Variants in MMP1 observed in about 807,000 individuals in gnomAD.
MMP1 encodes matrix metallopeptidase 1, also known as interstitial collagenase.
A neutral mutation model predicts 49.6 loss-of-function variants in MMP1; 51 were observed. That is an observed-to-expected ratio of 1.03 (90% CI 0.82 to 1.30). The LOEUF (loss-of-function observed/expected upper bound fraction) is 1.30. MMP1 is among the 50% of genes most tolerant of loss of function. MMP1 has a pLI of 0.00. For synonymous variants in MMP1, 230 were observed against 196.8 expected (o/e 1.17, Z -1.41); for missense variants, 623 against 568.7 (o/e 1.10, Z -0.97).
rs1264699039 is a variant in MMP1, at chr11:102,794,934, A to G, written c.899+240T>C. Among the ~76,000 whole-genome samples the G allele has an allele frequency of 6.6e-6, 1 of 152,244 alleles. No individual in the cohort carries two copies. The highest frequency in any genetic ancestry group is 2.4e-5 in the African/African-American group (1 of 41,470). On this transcript the variant is annotated intron_variant, in intron 6 of 9. Coordinates refer to ENST00000315274, the MANE Select transcript of MMP1 (RefSeq NM_002421.4). The surrounding 1 kb of genome is among the most constrained non-coding windows in gnomAD (Gnocchi z 4.3). The stretch of plus-strand genomic sequence containing the variant: ...TTACTTTGCTAATCTGTAAAAAAAG[A>G]TCATACATACTGATTTTCAAAATCA...
chr11:102,791,629 T>C, intron 7 of MMP1, 134 bp from the exon 8 acceptor site: 1 of 942,206 alleles, frequency 1.1e-6, no homozygotes, highest in Non-Finnish European at 1.6e-6. Context: ...TAGGGAGATT[T>C]TTGAAAATAC....
At chr11:102,796,199 T>C (rs1047905856) in intron 4 of MMP1, among the ~76,000 whole-genome samples, 1 of 152,242 alleles carries the variant, frequency 6.6e-6, no homozygotes, top group Non-Finnish European at 1.5e-5. Flanking sequence ...TCTGCCTGCC[T>C]TGGCCTCCCA....
rs1202404331 is a variant in MMP1 at position 102,795,520 on chromosome 11, G to C, written c.713C>G (p.Pro238Arg). The C allele has an allele frequency of 6.2e-7, 1 of 1,613,974 alleles. No individual in the cohort carries two copies. Among genetic ancestry groups the C allele is most frequent in the Non-Finnish European group, 8.5e-7 (1 of 1,180,022 alleles). Residue 238 changes from proline to arginine, a missense_variant, in exon 5 of 10, where the codon CCT (proline) becomes CGT (arginine). By Grantham distance (103) the Pro-to-Arg change is moderately radical. Coordinates refer to ENST00000315274, the MANE Select transcript of MMP1 (RefSeq NM_002421.4). The stretch of plus-strand genomic sequence containing the variant: ...AACATCACCACTGAAGGTGTAGCTA[G>C]GGTACATCAAAGCCCCGATATCAGT... ...HSTDIGALMY[P>R]SYTFSGDVQL...
Position 102,790,320 on chromosome 11 carries a change from G to A in MMP1, c.*92C>T. 5.7e-6 allele frequency: 4 copies of A among 698,018 alleles called. No homozygotes were observed. Among genetic ancestry groups the A allele is most frequent in the Non-Finnish European group, 2.5e-6 (1 of 406,014 alleles). The allele number at this position is 698,018 out of a possible 1,614,324, so 43.2% of individuals were successfully genotyped here. On this transcript the variant is annotated 3_prime_UTR_variant, in exon 10 of 10. Transcript: ENST00000315274. ...TATATTCTGTGTATCAGTGACTCTA[G>A]AGGTTAAAAATGACTGAGAAAATAG... is the stretch of plus-strand genomic sequence containing the variant.
rs1225755827 is a variant in MMP1 at position 102,798,052 on chromosome 11, C to G, written c.41G>C (p.Gly14Ala). 6.2e-7 allele frequency: 1 copy of G among 1,613,164 alleles called. No individual in the cohort carries two copies. Among genetic ancestry groups the G allele is most frequent in the East Asian group, 2.2e-5 (1 of 44,898 alleles). ...CGCTGGGAAGCTGTGAGACACCACA[C>G]CCCAGAACAGCAGCAGCAGCAGTGG... is the stretch of plus-strand genomic sequence containing the variant. ...FPPLLLLLFW[G>A]VVSHSFPATL... Residue 14 changes from glycine (G) to alanine (A), a missense_variant, in exon 1 of 10, where the codon GGT becomes GCT. By Grantham distance (60) the Gly-to-Ala change is moderately conservative (BLOSUM62 0). Transcript: ENST00000315274.
intron 4 of MMP1, among the ~76,000 whole-genome samples, chr11:102,796,042 C>A (rs568780506): frequency 6.6e-6 from 1 of 152,308 alleles, no homozygotes; most frequent in East Asian, 1.9e-4. Context: ...CCTCTGCCTC[C>A]TGGGTTCAGG....
At chr11:102,793,897 G>A (rs1858104171) in intron 6 of MMP1, among the ~76,000 whole-genome samples, 1 of 152,202 alleles carries the variant, frequency 6.6e-6, no homozygotes, top group Non-Finnish European at 1.5e-5. Flanking sequence ...TCGGAAACCT[G>A]ACTTCTAGGT....
rs17883075 is a variant in MMP1 at position 102,791,110 on chromosome 11, T to C, written c.1196+223A>G. The stretch of plus-strand genomic sequence containing the variant: ...CCGTTAAGATGAATGTCCTCAATTC[T>C]ACATCCTTTTAAAATTCATCCCCCT... On this transcript the variant is annotated intron_variant, in intron 8 of 9. Coordinates refer to ENST00000315274, the MANE Select transcript of MMP1 (RefSeq NM_002421.4). Among the ~76,000 whole-genome samples, 179 of 152,356 alleles carry C rather than the reference T, an allele frequency of 1.2e-3. 4 individuals are homozygous for C. The East Asian group carries it at 0.032, about 27-fold the overall frequency.
chr11:102,797,328 C>G lies in MMP1; in HGVS notation c.278G>C (p.Gly93Ala). 1 of 1,614,202 alleles carries G rather than the reference C, an allele frequency of 6.2e-7. No homozygotes were observed. Among genetic ancestry groups the G allele is most frequent in the South Asian group, 1.1e-5 (1 of 91,086 alleles). The change falls in exon 2 of 10, where the codon GGA (glycine) becomes GCA (alanine). Residue 93 changes from glycine to alanine, a missense_variant. Physicochemically the swap from Gly to Ala is moderately conservative, Grantham distance 60. Coordinates refer to ENST00000315274, the MANE Select transcript of MMP1 (RefSeq NM_002421.4). ...GACAAACTGAGCCACATCAGGCACTCCACATCTGGGCTGCTTCATCACCTT... is the reference window on the plus strand; with the variant it reads ...GACAAACTGAGCCACATCAGGCACTGCACATCTGGGCTGCTTCATCACCTT... ...TLKVMKQPRCGVPDVAQFVLT... is the reference protein window; with the variant it reads ...TLKVMKQPRCAVPDVAQFVLT...
intron 8 of MMP1, 24 bp from the exon 9 acceptor site, chr11:102,790,830 G>A: frequency 2.9e-6 from 4 of 1,359,258 alleles, no homozygotes; most frequent in Non-Finnish European, 4.2e-6. Context: ...AGTTAAGAGT[G>A]TCAGACCTTT....
At chr11:102,792,289 A>C (rs773107730) in intron 7 of MMP1, among the ~76,000 whole-genome samples, 3 of 152,188 alleles carry the variant, frequency 2.0e-5, no homozygotes, top group African/African-American at 4.8e-5. Context: ...TAGTGTCTCG[A>C]GTTTTACTTT....
Position 102,796,711 on chromosome 11 carries a change from C to T in MMP1, c.578G>A (p.Gly193Glu). The part of the protein sequence containing the change: ...HAFQPGPGIG[G>E]DAHFDEDERW... ...TTCATCTTCATCAAAATGAGCATCC[C>T]CTCCAATACCTGGGCCTGGTTGAAA... The change falls in exon 4 of 10, where the codon GGG becomes GAG. Residue 193 changes from glycine to glutamate, a missense_variant. Gly to Glu is a moderately conservative substitution (Grantham distance 98). Transcript: ENST00000315274. 6.2e-7 allele frequency: 1 copy of T among 1,613,858 alleles called. No homozygotes were observed.
Position 102,790,268 on chromosome 11 carries a change from AT to A in MMP1, c.*143del, listed in dbSNP as rs1219245160. On this transcript the variant is annotated 3_prime_UTR_variant, in exon 10 of 10. Coordinates refer to ENST00000315274, the MANE Select transcript of MMP1 (RefSeq NM_002421.4). The stretch of plus-strand genomic sequence containing the variant: ...GGGCTACATTCTAAATAGTAAAAAA[AT>A]ATGCAAACTGAGGTATAAATAAGAT... 12 of 529,266 alleles carry A rather than the reference AT, an allele frequency of 2.3e-5. No homozygotes were observed. The allele number at this position is 529,266 out of a possible 1,614,324, so 32.8% of individuals were successfully genotyped here. A position where few individuals can be genotyped will look rare whatever the true frequency, so the allele number is the denominator to read the frequency against.
rs879005168 is a variant in MMP1, at chr11:102,798,093, A to G, written c.-1T>C. 1 of 1,606,752 alleles carries G rather than the reference A, an allele frequency of 6.2e-7. No individual in the cohort carries two copies. The highest frequency in any genetic ancestry group is 8.5e-7 in the Non-Finnish European group (1 of 1,179,304). ...GCAGCAGTGGAGGAAAGCTGTGCAT[A>G]CTGGCCTTTGTCTTCTTTCTCAGTG... On this transcript the variant is annotated 5_prime_UTR_variant, in exon 1 of 10. Transcript: ENST00000315274.
rs1246361248 is a variant in MMP1, at chr11:102,790,008, A to G, written c.*404T>C. ...TTATCCCTTGCCTATCCAGGGTGAC[A>G]CCAGTGACTGCACATGTGTTCTTGA... On this transcript the variant is annotated 3_prime_UTR_variant, in exon 10 of 10. Transcript: ENST00000315274. 1 of 154,660 alleles carries G rather than the reference A, an allele frequency of 6.5e-6. No individual in the cohort carries two copies. The highest frequency in any genetic ancestry group is 2.4e-5 in the African/African-American group (1 of 41,498). The allele number at this position is 154,660 out of a possible 1,614,324, so 9.6% of individuals were successfully genotyped here.
Position 102,790,298 on chromosome 11 carries a change from A to G in MMP1, c.*114T>C, listed in dbSNP as rs148343310. 3.9e-5 allele frequency: 23 copies of G among 595,908 alleles called. No individual in the cohort carries two copies. The Admixed American group carries it at 7.0e-4, about 18-fold the overall frequency. 36.9% of individuals were successfully genotyped at this position (595,908 alleles called of 1,614,324 possible). A position where few individuals can be genotyped will look rare whatever the true frequency, so the allele number is the denominator to read the frequency against. Reference sequence around the variant, plus strand: ...CAAACTGAGGTATAAATAAGATTATATTCTGTGTATCAGTGACTCTAGAGG... The same window carrying G: ...CAAACTGAGGTATAAATAAGATTATGTTCTGTGTATCAGTGACTCTAGAGG... On this transcript the variant is annotated 3_prime_UTR_variant, in exon 10 of 10. Coordinates refer to ENST00000315274, the MANE Select transcript of MMP1 (RefSeq NM_002421.4).
In MMP1 at chr11:102,790,355, C is replaced by T. The variant is rs1349076407; in HGVS notation, c.*57G>A. On this transcript the variant is annotated 3_prime_UTR_variant, in exon 10 of 10. Coordinates refer to ENST00000315274, the MANE Select transcript of MMP1 (RefSeq NM_002421.4). ...ATGACTGAGAAAATAGACAGTTCTTCAGGAAAACACCTTCTTTGGACTCAC... is the reference window on the plus strand; with the variant it reads ...ATGACTGAGAAAATAGACAGTTCTTTAGGAAAACACCTTCTTTGGACTCAC... The T allele has an allele frequency of 2.9e-6, 3 of 1,030,202 alleles. No homozygotes were observed. The highest frequency in any genetic ancestry group is 1.6e-5 in the African/African-American group (1 of 62,442). 63.8% of individuals were successfully genotyped at this position (1,030,202 alleles called of 1,614,324 possible). A position where few individuals can be genotyped will look rare whatever the true frequency, so the allele number is the denominator to read the frequency against.
intron 9 of MMP1, 64 bp from the exon 10 acceptor site, chr11:102,790,585 C>T (rs1362889702): frequency 7.5e-7 from 1 of 1,342,230 alleles, no homozygotes; most frequent in Non-Finnish European, 1.1e-6. Context: ...AACTTGAATT[C>T]TTGAGAAACC....
intron 5 of MMP1, 39 bp downstream of exon 5, chr11:102,795,413 C>T (rs774256163): frequency 6.2e-7 from 1 of 1,607,880 alleles, no homozygotes; most frequent in Non-Finnish European, 8.5e-7. Context: ...ATATAAAGAC[C>T]ACCAGGCCCT....
Sources: gnomAD v4.1 joint callset for allele counts (sites outside exome capture counted in the v4.1 genomes callset) on GRCh38, gnomAD v4.1.1 for gene constraint, Gnocchi (gnomAD v3.1) non-coding constraint, MANE v1.5 for transcripts, NCBI Gene and HGNC (gene_info 2026-07-23, HGNC 2026-07-21) for gene names.